NID1: variants seen among roughly 807,000 people sequenced by gnomAD.
The protein encoded by NID1 is nidogen 1.
Under a neutral mutation model 130.6 loss-of-function variants are expected in NID1, and 76 were observed. That is an observed-to-expected ratio of 0.58 (90% CI 0.48 to 0.70). The LOEUF is 0.70. Among genes scored for constraint, NID1 ranks in the 30% least tolerant of loss-of-function variants. The pLI is 0.00. For missense variants in NID1, 1,517 were observed against 1,664.8 expected (o/e 0.91, Z 1.54); for synonymous variants, 665 against 675.1 (o/e 0.98, Z 0.23).
chr1:236,029,938 G>A (rs184846845), intron 6 of NID1, among the ~76,000 whole-genome samples, 188 bp from the exon 7 acceptor site: 9 of 152,264 alleles, frequency 5.9e-5, no homozygotes, highest in Admixed American at 3.9e-4. Context: ...TGAGCCACAC[G>A]CAGAGGAGAG....
At chr1:235,978,115 T>G in intron 19 of NID1, 127 bp from the exon 20 acceptor site, 1 of 1,121,442 alleles carries the variant, frequency 8.9e-7, no homozygotes, top group Admixed American at 2.6e-5. Flanking sequence ...TAGGAAGGCT[T>G]CAGGAGAATG....
intron 5 of NID1, 61 bp from the exon 6 acceptor site, chr1:236,032,713 AGTAATAT>A (rs1194593275): frequency 1.9e-6 from 3 of 1,589,772 alleles, no homozygotes; most frequent in Non-Finnish European, 2.6e-6. Context: ...TTCAAACACG[AGTAATAT>A]GTAGGACCTG....
intron 17 of NID1, among the ~76,000 whole-genome samples, 195 bp from the exon 18 acceptor site, chr1:235,980,140 C>T (rs1022755873): frequency 4.6e-5 from 7 of 152,138 alleles, no homozygotes; most frequent in Non-Finnish European, 1.0e-4. Flanking sequence ...TGGGGAGGCA[C>T]GAGCCAGGGC....
Position 235,993,787 on chromosome 1 carries a change from C to A in NID1, c.2613G>T (p.Pro871=), listed in dbSNP as rs34932150. 1.7e-4 allele frequency: 275 copies of A among 1,614,178 alleles called. 1 individual carries two copies. In the African/African-American group the frequency reaches 3.4e-3, roughly 20 times the overall value. The change falls in exon 13 of 20, where the codon CCG becomes CCT. Residue 871 remains proline, a synonymous_variant. Coordinates refer to ENST00000264187, the MANE Select transcript of NID1 (RefSeq NM_002508.3). ...GATDPQRPIP[P]GLFVPECDAH... ...CATCGCACTCAGGAACGAACAGCCC[C>A]GGAGGAATGGGTCGCTGTGGGTCTG...
At chr1:235,986,922 A>C (rs1357955914) in intron 14 of NID1, among the ~76,000 whole-genome samples, 1 of 152,250 alleles carries the variant, frequency 6.6e-6, no homozygotes, top group Non-Finnish European at 1.5e-5. Context: ...AAACATGCTC[A>C]TCAACTTCTC....
At chr1:236,027,686 A>G (rs1461107080) in intron 7 of NID1, among the ~76,000 whole-genome samples, 1 of 152,082 alleles carries the variant, frequency 6.6e-6, no homozygotes, top group East Asian at 1.9e-4. Flanking sequence ...AAAGTTAGCC[A>G]TGCCTGGTGG....
chr1:235,987,162 G>A (rs968396933), intron 14 of NID1, among the ~76,000 whole-genome samples: 1 of 152,094 alleles, frequency 6.6e-6, no homozygotes, highest in African/African-American at 2.4e-5. Flanking sequence ...CTCAGACAAG[G>A]CAAATCAATT....
At chr1:236,052,050 G>A (rs900015248) in intron 1 of NID1, among the ~76,000 whole-genome samples, 1 of 152,176 alleles carries the variant, frequency 6.6e-6, no homozygotes, top group Non-Finnish European at 1.5e-5. Flanking sequence ...CAGCTCGATC[G>A]TCTGTGATAA....
In NID1 at chr1:236,045,056, G is replaced by A. The variant is rs1393559585; in HGVS notation, c.752+401C>T. Among the ~76,000 whole-genome samples, 12 of 151,972 alleles carry A rather than the reference G, an allele frequency of 7.9e-5. No individual in the cohort carries two copies. In the East Asian group the frequency reaches 1.4e-3, roughly 17 times the overall value. On this transcript the variant is annotated intron_variant, in intron 3 of 19. Transcript: ENST00000264187. The stretch of plus-strand genomic sequence containing the variant: ...TCTACTAAAAATACAAGAATTAGCT[G>A]GGCATGGTGGCACACACCTGTAATC...
At chr1:236,059,960 C>T (rs1260572859) in intron 1 of NID1, among the ~76,000 whole-genome samples, 2 of 151,966 alleles carry the variant, frequency 1.3e-5, no homozygotes, top group African/African-American at 4.8e-5. Flanking sequence ...ATTAGCTGGG[C>T]GTGTTGGCAT....
At chr1:235,984,439 C>T (rs1184113371) in intron 15 of NID1, among the ~76,000 whole-genome samples, 2 of 152,128 alleles carry the variant, frequency 1.3e-5, no homozygotes, top group Admixed American at 6.6e-5. Flanking sequence ...GTTCCACAGG[C>T]ACAGGAAATC....
Position 235,993,785 on chromosome 1 carries a change from C to T in NID1, c.2615G>A (p.Gly872Glu), listed in dbSNP as rs373645337. The T allele has an allele frequency of 2.5e-6, 4 of 1,614,196 alleles. No homozygotes were observed. Among genetic ancestry groups the T allele is most frequent in the South Asian group, 2.2e-5 (2 of 91,090 alleles). Residue 872 changes from glycine (G) to glutamate (E), a missense_variant, in exon 13 of 20, where the codon GGG becomes GAG. Physicochemically the swap from Gly to Glu is moderately conservative, Grantham distance 98. Transcript: ENST00000264187. ...CGCATCGCACTCAGGAACGAACAGC[C>T]CCGGAGGAATGGGTCGCTGTGGGTC... ...ATDPQRPIPPGLFVPECDAHG... is the reference protein window; with the variant it reads ...ATDPQRPIPPELFVPECDAHG...
chr1:236,046,134 C>G (rs1426504086), intron 2 of NID1, among the ~76,000 whole-genome samples: 1 of 152,174 alleles, frequency 6.6e-6, no homozygotes, highest in African/African-American at 2.4e-5. Flanking sequence ...TGGGAGAAAA[C>G]AGACCTGGAT....
rs750240264 is a variant in NID1 at position 235,981,741 on chromosome 1, G to A, written c.3097C>T (p.Arg1033Cys). Residue 1033 changes from arginine to cysteine, a missense_variant, in exon 16 of 20, where the codon CGC becomes TGC. Coordinates refer to ENST00000264187, the MANE Select transcript of NID1 (RefSeq NM_002508.3). ...TTAGAGTCTGTCCAGAAGATGTTGC[G>A]GCCAAGGTGATCAACAGCGATACCT... is the stretch of plus-strand genomic sequence containing the variant. ...PEGIAVDHLG[R>C]NIFWTDSNLD... 2.9e-5 allele frequency: 46 copies of A among 1,613,822 alleles called. No individual in the cohort carries two copies. Among genetic ancestry groups the A allele is most frequent in the Non-Finnish European group, 3.5e-5 (41 of 1,179,912 alleles).
At chr1:236,017,380 C>T in intron 9 of NID1, 107 bp from the exon 10 acceptor site, 1 of 1,272,464 alleles carries the variant, frequency 7.9e-7, no homozygotes, top group Non-Finnish European at 1.1e-6. Flanking sequence ...AATTTTAAAA[C>T]AAAATTTTCT....
At chr1:236,051,560 C>T (rs573469638) in intron 1 of NID1, among the ~76,000 whole-genome samples, 2 of 152,268 alleles carry the variant, frequency 1.3e-5, no homozygotes, top group South Asian at 2.1e-4. Flanking sequence ...CATCATCACC[C>T]GGCACCAGCA....
At chr1:236,063,145 C>A (rs1660087579) in intron 1 of NID1, among the ~76,000 whole-genome samples, 2 of 102,620 alleles carry the variant, frequency 1.9e-5, no homozygotes, top group African/African-American at 9.3e-5. Context: ...CAGAGTGAGA[C>A]TTCATCTCAA....
chr1:236,002,029 C>T (rs971388361), intron 12 of NID1, among the ~76,000 whole-genome samples: 3 of 152,228 alleles, frequency 2.0e-5, no homozygotes, highest in African/African-American at 7.2e-5. Context: ...CTGCCATCAG[C>T]CAGGCGCCCT....
intron 12 of NID1, among the ~76,000 whole-genome samples, chr1:236,011,589 C>A (rs1484286681): frequency 6.6e-6 from 1 of 152,190 alleles, no homozygotes; most frequent in Non-Finnish European, 1.5e-5. Flanking sequence ...AGGCAATGTT[C>A]CCACCTGATG....
Sources: allele counts gnomAD v4.1 joint callset (sites outside exome capture counted in the v4.1 genomes callset), GRCh38; gene constraint gnomAD v4.1.1; transcripts MANE v1.5; gene names NCBI Gene and HGNC (gene_info 2026-07-23, HGNC 2026-07-21).